Variants in PRIM2 observed in about 807,000 individuals in gnomAD.
The protein encoded by PRIM2 is DNA primase large subunit.
PRIM2 carries 39 observed loss-of-function variants against 67.3 expected under a neutral mutation model. The observed-to-expected ratio is 0.58, with a 90% CI of 0.45 to 0.76. PRIM2 has a LOEUF of 0.76. Ranked by LOEUF, PRIM2 falls within the 30% of genes least tolerant of loss-of-function variation. The probability of loss-of-function intolerance (pLI) is 0.00; values close to 1 mark genes in which losing one functional copy is unlikely to be tolerated. For synonymous variants in PRIM2, 143 were observed against 198.7 expected (o/e 0.72, Z 2.36); for missense variants, 398 against 598.7 (o/e 0.66, Z 3.50).
chr6:57,354,303 A>C (rs1275429511), intron 5 of PRIM2, among the ~76,000 whole-genome samples: 1 of 151,958 alleles, frequency 6.6e-6, no homozygotes, highest in African/African-American at 2.4e-5. Context: ...ACCTGTGGGG[A>C]GTTGAATGAG....
chr6:57,529,939 C>T, intron 8 of PRIM2, among the ~76,000 whole-genome samples: 1 of 151,956 alleles, frequency 6.6e-6, no homozygotes, highest in Non-Finnish European at 1.5e-5. Context: ...TCTGAAGAGT[C>T]TTGAGGTGGT....
At chr6:57,228,176 A>G in the PRIM2 span, among the ~76,000 whole-genome samples, 1 of 152,376 alleles carries the variant, frequency 6.6e-6, no homozygotes, top group African/African-American at 2.4e-5. Context: ...GATGGTGATA[A>G]ATAAAAATGT....
intron 7 of PRIM2, among the ~76,000 whole-genome samples, chr6:57,460,716 A>T (rs1772977008): frequency 6.6e-6 from 1 of 151,730 alleles, no homozygotes; most frequent in Admixed American, 6.6e-5. Context: ...AAGTAATATC[A>T]TTAATTTTAT....
At chr6:57,608,084 G>T (rs1270363374) in intron 12 of PRIM2, among the ~76,000 whole-genome samples, 1 of 152,072 alleles carries the variant, frequency 6.6e-6, no homozygotes, top group African/African-American at 2.4e-5. Context: ...GAGGTAGGGA[G>T]TCAAAAGCTG....
chr6:57,507,606 C>T (rs1210387093), intron 8 of PRIM2, among the ~76,000 whole-genome samples, 152 bp downstream of exon 8: 2 of 151,828 alleles, frequency 1.3e-5, no homozygotes, highest in Non-Finnish European at 2.9e-5. Flanking sequence ...TTCTTAATAC[C>T]ATGTACTTGT....
At chr6:57,549,075 A>AGT (rs1775349298) in intron 10 of PRIM2, among the ~76,000 whole-genome samples, 1 of 152,196 alleles carries the variant, frequency 6.6e-6, no homozygotes. Context: ...CGAGTTTACT[A>AGT]ATGAAAAAAC....
the PRIM2 span, among the ~76,000 whole-genome samples, chr6:57,280,602 C>T: frequency 2.0e-5 from 3 of 152,190 alleles, no homozygotes; most frequent in Non-Finnish European, 2.9e-5. Flanking sequence ...CTCCGCCTCC[C>T]AGGTTCAAGC....
the PRIM2 span, among the ~76,000 whole-genome samples, chr6:57,269,604 T>G: frequency 3.4e-4 from 52 of 152,132 alleles, no homozygotes; most frequent in African/African-American, 1.2e-3. Context: ...GATGGTAGTT[T>G]CTTTTGCTGT....
At chr6:57,630,967 T>C (rs1486032664) in intron 12 of PRIM2, among the ~76,000 whole-genome samples, 1 of 152,228 alleles carries the variant, frequency 6.6e-6, no homozygotes, top group African/African-American at 2.4e-5. Flanking sequence ...GGCAGAAACC[T>C]GGCCTCTGTG....
chr6:57,454,182 G>C (rs1216011386), intron 7 of PRIM2, among the ~76,000 whole-genome samples: 2 of 152,082 alleles, frequency 1.3e-5, no homozygotes, highest in South Asian at 2.1e-4. Context: ...TGCTGGATTT[G>C]GTTTGCCAGT....
At chr6:57,307,634 AAT>A in the PRIM2 span, among the ~76,000 whole-genome samples, 1 of 152,176 alleles carries the variant, frequency 6.6e-6, no homozygotes, top group African/African-American at 2.4e-5. Context: ...ACTCGAAGTC[AAT>A]ATGTTACTGT....
At chr6:57,315,715 CT>C (rs776353723), upstream of PRIM2, among the ~76,000 whole-genome samples, 11 of 151,952 alleles carry the variant, frequency 7.2e-5, no homozygotes, top group Non-Finnish European at 1.3e-4. Flanking sequence ...CGATGTTATA[CT>C]TTTGGTAGAC....
At chr6:57,242,225 TA>T in the PRIM2 span, among the ~76,000 whole-genome samples, 4 of 152,156 alleles carry the variant, frequency 2.6e-5, no homozygotes, top group African/African-American at 9.7e-5. Context: ...CCAGTATCTT[TA>T]AATAAAAATA....
chr6:57,593,468 A>G (rs1479130692), intron 10 of PRIM2, among the ~76,000 whole-genome samples: 2 of 151,996 alleles, frequency 1.3e-5, no homozygotes, highest in African/African-American at 4.8e-5. Flanking sequence ...ACACCCAGCT[A>G]ATTTTTGTAT....
At chr6:57,465,514 G>T (rs35704134) in intron 7 of PRIM2, among the ~76,000 whole-genome samples, 1 of 152,074 alleles carries the variant, frequency 6.6e-6, no homozygotes, top group Non-Finnish European at 1.5e-5. Flanking sequence ...GGACTTTGTC[G>T]CAGATCTGGA....
intron 12 of PRIM2, among the ~76,000 whole-genome samples, chr6:57,618,501 C>T (rs1776792292): frequency 6.6e-6 from 1 of 152,184 alleles, no homozygotes; most frequent in African/African-American, 2.4e-5. Context: ...ACCCGGGAGA[C>T]ACCCCAAATA....
chr6:57,458,770 A>G (rs1772899919), intron 7 of PRIM2, among the ~76,000 whole-genome samples: 1 of 152,222 alleles, frequency 6.6e-6, no homozygotes, highest in African/African-American at 2.4e-5. Context: ...TAGCCCCCCT[A>G]GCTACTAGGC....
chr6:57,486,750 A>G (rs1773761821), intron 7 of PRIM2, among the ~76,000 whole-genome samples: 1 of 152,262 alleles, frequency 6.6e-6, no homozygotes, highest in Admixed American at 6.5e-5. Context: ...AAACAGCTAG[A>G]TAACTAGCAT....
At chr6:57,594,889 C>T (rs1300306332) in intron 10 of PRIM2, among the ~76,000 whole-genome samples, 1 of 151,924 alleles carries the variant, frequency 6.6e-6, no homozygotes, top group Non-Finnish European at 1.5e-5. Flanking sequence ...GGCTTGTGTC[C>T]AGAATATATA....
Sources: gnomAD v4.1 joint callset for allele counts (sites outside exome capture counted in the v4.1 genomes callset) on GRCh38, gnomAD v4.1.1 for gene constraint, MANE v1.5 for transcripts, NCBI Gene and HGNC (gene_info 2026-07-23, HGNC 2026-07-21) for gene names.